Variants in ZNG1E observed in about 807,000 individuals in gnomAD.
ZNG1E encodes the protein Zn regulated GTPase metalloprotein activator 1E.
chr9:65,719,703 G>GTT, the ZNG1E span: 1 of 157,380 alleles, frequency 6.4e-6, no homozygotes, highest in East Asian at 1.4e-4. Flanking sequence ...TACTAGAATG[G>GTT]TTATATATAT....
chr9:65,719,417 A>G, the ZNG1E span: 1 of 133,178 alleles, frequency 7.5e-6, no homozygotes, highest in Non-Finnish European at 1.6e-5. Flanking sequence ...TCAGTGTTGA[A>G]ATGTATGCTA....
the ZNG1E span, among the ~76,000 whole-genome samples, chr9:65,688,088 A>G: frequency 6.6e-6 from 1 of 151,414 alleles, no homozygotes; most frequent in Non-Finnish European, 1.5e-5. Flanking sequence ...ATTTACTGTG[A>G]TCATCTGAAG....
chr9:65,660,972 G>A, the ZNG1E span, among the ~76,000 whole-genome samples: 4 of 145,582 alleles, frequency 2.7e-5, no homozygotes, highest in African/African-American at 5.3e-5. Flanking sequence ...AATAGGTGGG[G>A]CCTTGGCAAA....
At chr9:65,665,195 C>G in the ZNG1E span, among the ~76,000 whole-genome samples, 2 of 152,274 alleles carry the variant, frequency 1.3e-5, no homozygotes, top group Non-Finnish European at 2.9e-5. Flanking sequence ...AAAGTGTCTC[C>G]AGGGCATGTC....
the ZNG1E span, among the ~76,000 whole-genome samples, chr9:65,694,295 GTT>G: frequency 7.4e-6 from 1 of 134,354 alleles, no homozygotes; most frequent in Admixed American, 7.8e-5. Context: ...AAGACATTTT[GTT>G]TTTTTTTTAT....
chr9:65,659,364 G>A, the ZNG1E span, among the ~76,000 whole-genome samples: 344 of 150,810 alleles, frequency 2.3e-3, 2 homozygotes, highest in Admixed American at 1.4e-3. Context: ...GCGTGGTGGC[G>A]CATGCCTGTA....
the ZNG1E span, among the ~76,000 whole-genome samples, chr9:65,671,729 GAA>G: frequency 7.4e-6 from 1 of 135,606 alleles, no homozygotes; most frequent in South Asian, 2.4e-4. Flanking sequence ...TTCAGGAGAA[GAA>G]AAAAAAAAAC....
At chr9:65,722,823 G>A in the ZNG1E span, among the ~76,000 whole-genome samples, 1 of 77,190 alleles carries the variant, frequency 1.3e-5, no homozygotes, top group Admixed American at 1.6e-4. Context: ...CAAAGTGCTG[G>A]GATTACAGGC....
At chr9:65,684,544 A>ATG in the ZNG1E span, among the ~76,000 whole-genome samples, 14 of 133,308 alleles carry the variant, frequency 1.1e-4, no homozygotes, top group Non-Finnish European at 1.1e-4. Context: ...ACACACACAC[A>ATG]CGCACGCACA....
the ZNG1E span, among the ~76,000 whole-genome samples, chr9:65,664,789 G>A: frequency 6.6e-6 from 1 of 152,198 alleles, no homozygotes; most frequent in Non-Finnish European, 1.5e-5. Flanking sequence ...AATGCTGATA[G>A]TGATATGGAC....
chr9:65,664,100 A>G, the ZNG1E span, among the ~76,000 whole-genome samples: 2 of 152,308 alleles, frequency 1.3e-5, no homozygotes, highest in African/African-American at 4.8e-5. Flanking sequence ...CTTTCACCTT[A>G]TATCACTTAT....
At chr9:65,703,838 G>A in the ZNG1E span, 1 of 968,266 alleles carries the variant, frequency 1.0e-6, no homozygotes, top group Non-Finnish European at 1.2e-6. Context: ...CTGCTTATAT[G>A]CATGTGAACA....
chr9:65,658,919 A>G, the ZNG1E span, among the ~76,000 whole-genome samples: 3 of 151,486 alleles, frequency 2.0e-5, no homozygotes, highest in African/African-American at 7.3e-5. Flanking sequence ...ATTGCCCATT[A>G]GACCTCATTT....
the ZNG1E span, among the ~76,000 whole-genome samples, chr9:65,658,539 C>T: frequency 6.6e-6 from 1 of 151,502 alleles, no homozygotes; most frequent in Non-Finnish European, 1.5e-5. Context: ...TCAAGAAAAT[C>T]CAAGGACATG....
the ZNG1E span, among the ~76,000 whole-genome samples, chr9:65,666,173 G>T: frequency 2.7e-5 from 4 of 150,384 alleles, 1 homozygote; most frequent in African/African-American, 9.7e-5. Context: ...GGGGTGGAAT[G>T]GTATGGTTTG....
At chr9:65,706,543 A>G in the ZNG1E span, 1 of 93,152 alleles carries the variant, frequency 1.1e-5, no homozygotes, top group Non-Finnish European at 2.0e-5. Context: ...AATTAATTTG[A>G]TGCCATGGAA....
At chr9:65,710,603 A>C in the ZNG1E span, among the ~76,000 whole-genome samples, 1 of 152,096 alleles carries the variant, frequency 6.6e-6, no homozygotes, top group African/African-American at 2.4e-5. Flanking sequence ...ACCATTTATT[A>C]AATACGGAAT....
chr9:65,661,935 A>G, the ZNG1E span, among the ~76,000 whole-genome samples: 3 of 152,390 alleles, frequency 2.0e-5, no homozygotes, highest in South Asian at 4.1e-4. Context: ...AAAAAGAATA[A>G]TGGATGATCA....
At chr9:65,695,448 T>G in the ZNG1E span, among the ~76,000 whole-genome samples, 145 of 61,680 alleles carry the variant, frequency 2.4e-3, no homozygotes, top group Non-Finnish European at 3.5e-3. Context: ...TTCAGAGAGT[T>G]CCTTTGTTTC....
Sources: allele counts gnomAD v4.1 joint callset (sites outside exome capture counted in the v4.1 genomes callset), GRCh38; gene constraint gnomAD v4.1.1; transcripts MANE v1.5; gene names NCBI Gene and HGNC (gene_info 2026-07-23, HGNC 2026-07-21).